Variants in KCNN3 observed in about 807,000 individuals in gnomAD.
The protein encoded by KCNN3 is potassium calcium-activated channel subfamily N member 3, also known as small conductance calcium-activated potassium channel protein 3.
A neutral mutation model predicts 62.9 loss-of-function variants in KCNN3; 16 were observed. That is an observed-to-expected ratio of 0.25 (90% CI 0.17 to 0.39). KCNN3 has a LOEUF of 0.39. KCNN3 is among the 10% of genes least tolerant of loss of function. The pLI is 1.00. For synonymous variants in KCNN3, 370 were observed against 389.2 expected, an observed-to-expected ratio of 0.95 and a Z score of 0.58; for missense variants, 599 against 949.4, an observed-to-expected ratio of 0.63 and a Z score of 4.85.
At chr1:154,739,083 T>C (rs1037700278) in intron 3 of KCNN3, among the ~76,000 whole-genome samples, 2 of 152,218 alleles carry the variant, frequency 1.3e-5, no homozygotes, top group African/African-American at 4.8e-5. Flanking sequence ...ACACACATAT[T>C]ACTTACAGAC....
chr1:154,819,256 T>C lies in KCNN3; in HGVS notation c.1029+2833A>G, dbSNP rs185604046. On this transcript the variant is annotated intron_variant, in intron 2 of 7. Transcript: ENST00000271915. The stretch of plus-strand genomic sequence containing the variant: ...AGATCTAAATCAGAGAATTACAAGA[T>C]TGGGGGGCTAAGTAATAGATGAGGA... Among the ~76,000 whole-genome samples the C allele has an allele frequency of 4.6e-5, 7 of 152,222 alleles. No individual in the cohort carries two copies. The East Asian group carries it at 5.8e-4, about 13-fold the overall frequency.
chr1:154,821,951 C>A, intron 2 of KCNN3, 138 bp downstream of exon 2: 2 of 696,274 alleles, frequency 2.9e-6, no homozygotes, highest in Non-Finnish European at 2.6e-6. Context: ...AAGAGAAGAG[C>A]CACGATCTTG....
chr1:154,789,151 C>T (rs1649405825), intron 2 of KCNN3, among the ~76,000 whole-genome samples: 1 of 152,232 alleles, frequency 6.6e-6, no homozygotes, highest in South Asian at 2.1e-4. Flanking sequence ...GCTTTTCCAG[C>T]TTCCAGAGAG....
intron 1 of KCNN3, chr1:154,867,807 TTACGCACA>T: frequency 4.3e-6 from 1 of 231,592 alleles, no homozygotes; most frequent in Non-Finnish European, 6.6e-6. Context: ...CGTACAAACA[TTACGCACA>T]TACACACACA....
At chr1:154,709,895 G>A (rs1453161333) in intron 7 of KCNN3, among the ~76,000 whole-genome samples, 2 of 152,214 alleles carry the variant, frequency 1.3e-5, no homozygotes, top group African/African-American at 2.4e-5. Flanking sequence ...TGGCCCCCAC[G>A]CTGGTGCTCA....
At position 154,828,356 on chromosome 1, in the gene KCNN3, T is replaced by C. The variant is rs530884343; in HGVS notation, c.934-6172A>G. On this transcript the variant is annotated intron_variant, in intron 1 of 7. Coordinates refer to ENST00000271915, the MANE Select transcript of KCNN3 (RefSeq NM_002249.6). ...CCAACACTCATTCCTTTTTTTTTTT[T>C]TCTTAGGAGTTTTCTTTTCCCAGGC... Among the ~76,000 whole-genome samples, 15 of 152,246 alleles carry C rather than the reference T, an allele frequency of 9.9e-5. No homozygotes were observed. The East Asian group carries it at 2.7e-3, about 27-fold the overall frequency.
intron 2 of KCNN3, among the ~76,000 whole-genome samples, chr1:154,811,381 T>C (rs1650402229): frequency 6.6e-6 from 1 of 152,186 alleles, no homozygotes; most frequent in African/African-American, 2.4e-5. Flanking sequence ...TATAAGAATA[T>C]AATTAGACAA....
chr1:154,845,723 C>T (rs918539276), intron 1 of KCNN3, among the ~76,000 whole-genome samples: 4 of 152,176 alleles, frequency 2.6e-5, no homozygotes, highest in Admixed American at 2.6e-4. Flanking sequence ...CGTGCCCCAG[C>T]CAGTCCCAAG....
chr1:154,699,700 T>C lies in KCNN3; in HGVS notation c.*8276A>G, dbSNP rs1699813158. ...GTTTCTAGATGGTTAAACTAACTTC[T>C]CTTGCTATTTTCCTCTAGGGGAGGG... On this transcript the variant is annotated 3_prime_UTR_variant, in exon 8 of 8. Transcript: ENST00000271915. The C allele has an allele frequency of 6.6e-6, 1 of 152,214 alleles. No homozygotes were observed. Among genetic ancestry groups the C allele is most frequent in the Admixed American group, 6.5e-5 (1 of 15,278 alleles). 9.4% of individuals were successfully genotyped at this position (152,214 alleles called of 1,614,324 possible).
intron 2 of KCNN3, among the ~76,000 whole-genome samples, chr1:154,811,661 C>T (rs1009022123): frequency 1.2e-4 from 18 of 152,116 alleles, no homozygotes; most frequent in African/African-American, 2.9e-4. Context: ...CTCTTTTCCT[C>T]GTCCAATTGT....
intron 2 of KCNN3, among the ~76,000 whole-genome samples, chr1:154,792,635 G>T (rs574862752): frequency 3.0e-4 from 46 of 152,296 alleles, no homozygotes; most frequent in Middle Eastern, 3.4e-3. Flanking sequence ...AGGGATTTTG[G>T]TTAGAGAGAT....
chr1:154,752,642 A>G (rs910317144), intron 3 of KCNN3, among the ~76,000 whole-genome samples: 2 of 147,894 alleles, frequency 1.4e-5, no homozygotes, highest in Non-Finnish European at 3.0e-5. Context: ...ATGAATGGCC[A>G]TGAACGAAGA....
intron 4 of KCNN3, among the ~76,000 whole-genome samples, chr1:154,729,478 G>A (rs1700545508): frequency 6.6e-6 from 1 of 152,082 alleles, no homozygotes; most frequent in African/African-American, 2.4e-5. Flanking sequence ...AATCTGGACC[G>A]AGACTCCTCC....
chr1:154,754,993 G>T (rs1028727636), intron 3 of KCNN3, among the ~76,000 whole-genome samples: 1 of 152,116 alleles, frequency 6.6e-6, no homozygotes, highest in African/African-American at 2.4e-5. Flanking sequence ...CATGGTGCAG[G>T]GATGTATTCA....
intron 1 of KCNN3, among the ~76,000 whole-genome samples, chr1:154,823,348 G>A (rs552700038): frequency 6.6e-6 from 1 of 152,276 alleles, no homozygotes; most frequent in South Asian, 2.1e-4. Context: ...AGTGGTGCAC[G>A]CCACAAAAGA....
At chr1:154,823,112 G>A (rs1454477993) in intron 1 of KCNN3, among the ~76,000 whole-genome samples, 1 of 152,192 alleles carries the variant, frequency 6.6e-6, no homozygotes, top group African/African-American at 2.4e-5. Flanking sequence ...ACAGTGCCTG[G>A]CCAAGTAAGT....
chr1:154,826,124 A>G (rs1651118682), intron 1 of KCNN3, among the ~76,000 whole-genome samples: 1 of 152,122 alleles, frequency 6.6e-6, no homozygotes, highest in African/African-American at 2.4e-5. Flanking sequence ...ACAATATCTG[A>G]AGACATGGAG....
Position 154,708,237 on chromosome 1 carries a change from G to A in KCNN3, c.1935C>T (p.Leu645=). ...TCTCCAGGTCTTCGCTCCGGTCATT[G>A]AGTTCTGTGATTAAGTCATACATGA... ...QNVMYDLITE[L]NDRSEDLEKQ... is the part of the protein sequence containing the mutation. Residue 645 remains leucine, a synonymous_variant, in exon 8 of 8, where the codon CTC becomes CTT. Transcript: ENST00000271915. 1 of 1,613,790 alleles carries A rather than the reference G, an allele frequency of 6.2e-7. No homozygotes were observed. The highest frequency in any genetic ancestry group is 2.2e-5 in the East Asian group (1 of 44,880).
chr1:154,714,465 G>A (rs1700177874), intron 6 of KCNN3, among the ~76,000 whole-genome samples: 1 of 133,340 alleles, frequency 7.5e-6, no homozygotes, highest in African/African-American at 2.8e-5. Flanking sequence ...TTTGTGTGTG[G>A]TGTGTATGGT....
Sources: gnomAD v4.1 joint callset for allele counts (sites outside exome capture counted in the v4.1 genomes callset) on GRCh38, gnomAD v4.1.1 for gene constraint, MANE v1.5 for transcripts, NCBI Gene and HGNC (gene_info 2026-07-23, HGNC 2026-07-21) for gene names.